DGAT1: variants seen among roughly 807,000 people sequenced by gnomAD.
DGAT1 encodes ACAT related gene product 1.
A neutral mutation model predicts 72.6 loss-of-function variants in DGAT1; 60 were observed. That is an observed-to-expected ratio of 0.83 (90% CI 0.67 to 1.02). The LOEUF is 1.02. Among genes scored for constraint, DGAT1 ranks in the 50% least tolerant of loss-of-function variants. The probability of loss-of-function intolerance (pLI) is 0.00; values close to 1 mark genes in which losing one functional copy is unlikely to be tolerated. For synonymous variants in DGAT1, 290 were observed against 267.5 expected (o/e 1.08, Z -0.82); for missense variants, 592 against 670.0 (o/e 0.88, Z 1.29).
rs781882807 is a variant in DGAT1 at position 144,317,951 on chromosome 8, A to G, written c.818T>C (p.Ile273Thr). The G allele has an allele frequency of 1.3e-6, 2 of 1,519,266 alleles. No individual in the cohort carries two copies. Among genetic ancestry groups the G allele is most frequent in the Admixed American group, 4.5e-5 (2 of 44,514 alleles). The allele number at this position is 1,519,266 out of a possible 1,614,324, so 94.1% of individuals were successfully genotyped here. The change falls in exon 9 of 17, where the codon ATC (isoleucine) becomes ACC (threonine). Residue 273 changes from isoleucine to threonine, a missense_variant. By Grantham distance (89) the Ile-to-Thr change is moderately conservative (BLOSUM62 -1). Coordinates refer to ENST00000528718, the MANE Select transcript of DGAT1 (RefSeq NM_012079.6). ...CCGTCGCAGCAGAAAGCGCTTCCGG[A>G]TGCGGGGAGAGCGGGGAAAGTTGAG... ...YELNFPRSPR[I>T]RKRFLLRRIL... is the part of the protein sequence containing the mutation.
chr8:144,326,626 C>T lies in DGAT1; in HGVS notation c.11G>A (p.Arg4His). 4.2e-6 allele frequency: 5 copies of T among 1,199,422 alleles called. No homozygotes were observed. Among genetic ancestry groups the T allele is most frequent in the Non-Finnish European group, 5.2e-6 (5 of 967,130 alleles). The allele number at this position is 1,199,422 out of a possible 1,614,324, so 74.3% of individuals were successfully genotyped here. A position where few individuals can be genotyped will look rare whatever the true frequency, so the allele number is the denominator to read the frequency against. The change falls in exon 1 of 17, where the codon CGC (arginine) becomes CAC (histidine). Residue 4 changes from arginine (R) to histidine (H), a missense_variant. Physicochemically the swap from Arg to His is conservative, Grantham distance 29. Transcript: ENST00000528718. MGD[R>H]GSSRRRRTGS... ...TGTCCTCCGGCGCCGGGAGCTGCCG[C>T]GGTCGCCCATGGCCTCAGCCCGCAC... is the stretch of plus-strand genomic sequence containing the variant.
intron 7 of DGAT1, 43 bp from the exon 8 acceptor site, chr8:144,318,212 T>C (rs1817316170): frequency 6.2e-7 from 1 of 1,608,864 alleles, no homozygotes; most frequent in Admixed American, 1.7e-5. Context: ...GGGGCCCTGC[T>C]GCTGCCCAGC....
chr8:144,324,396 C>A (rs559329604), intron 1 of DGAT1, among the ~76,000 whole-genome samples: 4 of 152,184 alleles, frequency 2.6e-5, no homozygotes, highest in African/African-American at 9.7e-5. Context: ...CAAGGCCTGA[C>A]GCAGACAGCA....
chr8:144,317,684 A>G lies in DGAT1; in HGVS notation c.923T>C (p.Met308Thr). ...QWMVPTIQNS[M>T]KPFKDMDYSR... ...TGAGCCACTCACCTTGAAGGGCTTC[A>G]TGGAGTTCTGGATGGTGGGGACCAT... The change falls in exon 11 of 17, where the codon ATG becomes ACG. Residue 308 changes from methionine to threonine, a missense_variant. By Grantham distance (81) the Met-to-Thr change is moderately conservative. Coordinates refer to ENST00000528718, the MANE Select transcript of DGAT1 (RefSeq NM_012079.6). The G allele has an allele frequency of 2.5e-6, 4 of 1,613,726 alleles. No homozygotes were observed. Among genetic ancestry groups the G allele is most frequent in the Non-Finnish European group, 2.5e-6 (3 of 1,179,992 alleles).
intron 1 of DGAT1, among the ~76,000 whole-genome samples, chr8:144,323,595 T>C (rs1443744143): frequency 6.6e-6 from 1 of 152,146 alleles, no homozygotes. Flanking sequence ...TCTCACTGAC[T>C]GGAGGATCTG....
At position 144,314,670 on chromosome 8, in the gene DGAT1, T is replaced by C. The variant is rs368034256; in HGVS notation, c.*1884A>G. On this transcript the variant is annotated 3_prime_UTR_variant, in exon 17 of 17. Transcript: ENST00000528718. ...GAGATACACAGATATATACACACAG[T>C]GGATGGACGGACAAGACAGGCAGAG... 6.0e-5 allele frequency: 19 copies of C among 316,070 alleles called. No individual in the cohort carries two copies. The highest frequency in any genetic ancestry group is 2.5e-4 in the African/African-American group (12 of 48,238). The allele number at this position is 316,070 out of a possible 1,614,324, so 19.6% of individuals were successfully genotyped here.
Position 144,315,838 on chromosome 8 carries a change from G to A in DGAT1, c.*716C>T, listed in dbSNP as rs376069326. 80 of 984,204 alleles carry A rather than the reference G, an allele frequency of 8.1e-5. 1 individual carries two copies. The African/African-American group carries it at 1.3e-3, about 15-fold the overall frequency. The allele number at this position is 984,204 out of a possible 1,614,324, so 61.0% of individuals were successfully genotyped here. The stretch of plus-strand genomic sequence containing the variant: ...GCCAAACCGAGCCCTGCCCCAAGGC[G>A]AATAGCCATGGACATAGCCATTGTG... On this transcript the variant is annotated 3_prime_UTR_variant, in exon 17 of 17. Transcript: ENST00000528718.
In DGAT1 at chr8:144,317,459, G is replaced by T. The variant is rs200410331; in HGVS notation, c.982-14C>A. ...GTGATTGGGGACCTGGCAGGGAGGT[G>T]GGGGTGGGCACCAAGTTCTAGAACC... On this transcript the variant is annotated splice_polypyrimidine_tract_variant and intron_variant, in intron 12 of 16. Transcript: ENST00000528718. 1 of 1,613,674 alleles carries T rather than the reference G, an allele frequency of 6.2e-7. No homozygotes were observed. The highest frequency in any genetic ancestry group is 8.5e-7 in the Non-Finnish European group (1 of 1,179,860).
Position 144,316,897 on chromosome 8 carries a change from G to T in DGAT1, c.1267C>A (p.Leu423Met). 1 of 1,612,354 alleles carries T rather than the reference G, an allele frequency of 6.2e-7. No homozygotes were observed. Among genetic ancestry groups the T allele is most frequent in the Non-Finnish European group, 8.5e-7 (1 of 1,179,704 alleles). Reference sequence around the variant, plus strand: ...AACGCCCAGAGGCGGAACATTCGCAGAGGGACGCTCACCAGGTACTGAGAT... The same window carrying T: ...AACGCCCAGAGGCGGAACATTCGCATAGGGACGCTCACCAGGTACTGAGAT... ...FFHEYLVSVP[L>M]RMFRLWAFTG... Residue 423 changes from leucine to methionine, a missense_variant, in exon 16 of 17, where the codon CTG (leucine) becomes ATG (methionine). By Grantham distance (15) the Leu-to-Met change is conservative. Transcript: ENST00000528718.
chr8:144,315,723 T>C lies in DGAT1; in HGVS notation c.*831A>G. 1.1e-6 allele frequency: 1 copy of C among 922,196 alleles called. No individual in the cohort carries two copies. The highest frequency in any genetic ancestry group is 5.0e-5 in the South Asian group (1 of 20,002). 57.1% of individuals were successfully genotyped at this position (922,196 alleles called of 1,614,324 possible). On this transcript the variant is annotated 3_prime_UTR_variant, in exon 17 of 17. Transcript: ENST00000528718. ...AGAAGAGCAGAGGGCAAGGCAGGCC[T>C]GGGGATCAGGGGTGCCCCAACCTCG...
chr8:144,316,269 G>A lies in DGAT1; in HGVS notation c.*285C>T. 2.4e-6 allele frequency: 1 copy of A among 410,870 alleles called. No homozygotes were observed. The highest frequency in any genetic ancestry group is 4.4e-6 in the Non-Finnish European group (1 of 227,220). 25.5% of individuals were successfully genotyped at this position (410,870 alleles called of 1,614,324 possible). A position where few individuals can be genotyped will look rare whatever the true frequency, so the allele number is the denominator to read the frequency against. ...TGGCCATACCCCCCACCAGGCCCCA[G>A]GCCCCTGGCAGGCTGAAGAGGTCAC... On this transcript the variant is annotated 3_prime_UTR_variant, in exon 17 of 17. Transcript: ENST00000528718.
rs146752918 is a variant in DGAT1, at chr8:144,322,920, G to A, written c.201-1512C>T. On this transcript the variant is annotated intron_variant, in intron 1 of 16. Coordinates refer to ENST00000528718, the MANE Select transcript of DGAT1 (RefSeq NM_012079.6). ...CCACCGCCCTTGGCTCATCTCCCCA[G>A]CCTACTCCACTCACTGCCTGCCCAC... Among the ~76,000 whole-genome samples, 76 of 152,242 alleles carry A rather than the reference G, an allele frequency of 5.0e-4. No individual in the cohort carries two copies. In the Middle Eastern group the frequency reaches 0.01, roughly 20 times the overall value.
chr8:144,315,438 T>C lies in DGAT1; in HGVS notation c.*1116A>G, dbSNP rs1197751390. 2 of 985,518 alleles carry C rather than the reference T, an allele frequency of 2.0e-6. No homozygotes were observed. Among genetic ancestry groups the C allele is most frequent in the South Asian group, 9.4e-5 (2 of 21,292 alleles). The allele number at this position is 985,518 out of a possible 1,614,324, so 61.0% of individuals were successfully genotyped here. A position where few individuals can be genotyped will look rare whatever the true frequency, so the allele number is the denominator to read the frequency against. The stretch of plus-strand genomic sequence containing the variant: ...CCCCTGGTGCAGTCCTGGGACCCTG[T>C]GCAGGGCCTCCTCAAACACCTGCCT... On this transcript the variant is annotated 3_prime_UTR_variant, in exon 17 of 17. Coordinates refer to ENST00000528718, the MANE Select transcript of DGAT1 (RefSeq NM_012079.6).
At chr8:144,318,643 T>TC in intron 5 of DGAT1, 56 bp downstream of exon 5, 2 of 1,605,300 alleles carry the variant, frequency 1.2e-6, no homozygotes, top group Non-Finnish European at 1.7e-6. Context: ...GAGCAGCTCC[T>TC]CCCAGGAGCG....
intron 1 of DGAT1, among the ~76,000 whole-genome samples, chr8:144,324,512 T>C (rs1260722770): frequency 1.3e-5 from 2 of 152,126 alleles, no homozygotes; most frequent in African/African-American, 4.8e-5. Context: ...CAGGAGCAGA[T>C]AGACTTTTGG....
chr8:144,321,455 C>T (rs1817456264), intron 1 of DGAT1, 47 bp from the exon 2 acceptor site: 1 of 1,546,044 alleles, frequency 6.5e-7, no homozygotes, highest in Non-Finnish European at 8.9e-7. Flanking sequence ...ACCAGCAGGG[C>T]AGCGCCACCC....
In DGAT1 at chr8:144,315,272, C is replaced by T. The variant is rs782088151; in HGVS notation, c.*1282G>A. The T allele has an allele frequency of 1.6e-5, 16 of 985,390 alleles. No homozygotes were observed. Among genetic ancestry groups the T allele is most frequent in the Non-Finnish European group, 1.9e-5 (16 of 829,968 alleles). 61.0% of individuals were successfully genotyped at this position (985,390 alleles called of 1,614,324 possible). A position where few individuals can be genotyped will look rare whatever the true frequency, so the allele number is the denominator to read the frequency against. ...CACCCATCCCCCCACCAGGAGCTCACCCACTACTGCCATCCTCAGCAGGGC... is the reference window on the plus strand; with the variant it reads ...CACCCATCCCCCCACCAGGAGCTCATCCACTACTGCCATCCTCAGCAGGGC... On this transcript the variant is annotated 3_prime_UTR_variant, in exon 17 of 17. Transcript: ENST00000528718.
intron 2 of DGAT1, among the ~76,000 whole-genome samples, chr8:144,320,514 C>T (rs1817419186): frequency 6.6e-6 from 1 of 152,158 alleles, no homozygotes; most frequent in Non-Finnish European, 1.5e-5. Context: ...GCACCCAAGG[C>T]CAGAGATAGA....
chr8:144,325,131 C>T (rs931355874), intron 1 of DGAT1, among the ~76,000 whole-genome samples: 20 of 152,050 alleles, frequency 1.3e-4, no homozygotes, highest in Non-Finnish European at 2.4e-4. Flanking sequence ...GTAGCCATCC[C>T]CCTGCCTCCT....
Sources: allele counts gnomAD v4.1 joint callset (sites outside exome capture counted in the v4.1 genomes callset), GRCh38; gene constraint gnomAD v4.1.1; transcripts MANE v1.5; gene names NCBI Gene and HGNC (gene_info 2026-07-23, HGNC 2026-07-21).